The following TRPM6 variants were observed in gnomAD, a reference collection of about 807,000 sequenced individuals.
TRPM6 encodes the protein channel kinase 2.
TRPM6 carries 111 observed loss-of-function variants against 247.6 expected under a neutral mutation model. That is an observed-to-expected ratio of 0.45 (90% CI 0.38 to 0.52). TRPM6 has a LOEUF of 0.52. Ranked by LOEUF, TRPM6 falls within the 20% of genes least tolerant of loss-of-function variation. The probability of loss-of-function intolerance (pLI) is 0.00; values close to 1 mark genes in which losing one functional copy is unlikely to be tolerated. For synonymous variants in TRPM6, 892 were observed against 853.8 expected, an observed-to-expected ratio of 1.04 and a Z score of -0.78; for missense variants, 2,126 against 2,421.5, an observed-to-expected ratio of 0.88 and a Z score of 2.56.
chr9:74,764,057 G>A (rs958839581), intron 25 of TRPM6, among the ~76,000 whole-genome samples: 1 of 151,224 alleles, frequency 6.6e-6, no homozygotes, highest in African/African-American at 2.4e-5. Context: ...GACTGACGCG[G>A]AGGTTGCAGT....
intron 31 of TRPM6, among the ~76,000 whole-genome samples, chr9:74,746,797 A>G (rs1169386407): frequency 1.4e-5 from 2 of 139,548 alleles, no homozygotes; most frequent in Non-Finnish European, 3.1e-5. Context: ...CAGGAGCAGT[A>G]GGGTAGACCA....
At chr9:74,842,420 A>T in intron 3 of TRPM6, 77 bp from the exon 4 acceptor site, 1 of 1,399,624 alleles carries the variant, frequency 7.1e-7, no homozygotes, top group Non-Finnish European at 1.0e-6. Flanking sequence ...TTCTAAAGTA[A>T]TGTATAGATG....
chr9:74,838,621 C>T (rs1021430368), intron 5 of TRPM6, among the ~76,000 whole-genome samples: 8 of 152,218 alleles, frequency 5.3e-5, no homozygotes, highest in Admixed American at 6.5e-5. Flanking sequence ...TACCAACATT[C>T]TGCAAGTGCT....
chr9:74,858,012 C>G (rs1290439560), intron 2 of TRPM6, among the ~76,000 whole-genome samples: 1 of 152,140 alleles, frequency 6.6e-6, no homozygotes, highest in African/African-American at 2.4e-5. Context: ...TCAAGAGGAA[C>G]AGAAGAATCA....
rs1305503623 is a variant in TRPM6, at chr9:74,776,072, C to T, written c.3214G>A (p.Val1072Ile). The T allele has an allele frequency of 6.2e-6, 10 of 1,612,886 alleles. No individual in the cohort carries two copies. Among genetic ancestry groups the T allele is most frequent in the Non-Finnish European group, 7.6e-6 (9 of 1,179,204 alleles). ...GAAATGGATTCCATATCTAAGTAAA[C>T]GTTGCTGTAAGATGAAGTAAGAGAG... is the stretch of plus-strand genomic sequence containing the variant. The part of the protein sequence containing the change: ...VNLLIAFFNN[V>I]YLDMESISNN... Residue 1072 changes from valine to isoleucine, a missense_variant, in exon 24 of 39, where the codon GTT becomes ATT. This residue lies in a region of TRPM6 where 1,082 missense variants were observed against 1,307.9 expected (regional missense o/e 0.83). Coordinates refer to ENST00000360774, the MANE Select transcript of TRPM6 (RefSeq NM_017662.5).
Position 74,820,099 on chromosome 9 carries a change from T to C in TRPM6, c.1134+205A>G, listed in dbSNP as rs571083494. ...GTGCCATGGTGGTTTGCTGCACCTA[T>C]CAACCCATCACTTAGGTATTAAGAT... On this transcript the variant is annotated intron_variant, in intron 9 of 38. Transcript: ENST00000360774. 2.5e-4 allele frequency: 147 copies of C among 595,206 alleles called. No homozygotes were observed. In the African/African-American group the frequency reaches 2.5e-3, roughly 10 times the overall value. The allele number at this position is 595,206 out of a possible 1,614,324, so 36.9% of individuals were successfully genotyped here.
At chr9:74,735,206 C>T (rs1825653773) in intron 36 of TRPM6, among the ~76,000 whole-genome samples, 1 of 150,136 alleles carries the variant, frequency 6.7e-6, no homozygotes, top group Non-Finnish European at 1.5e-5. Flanking sequence ...CTTGGCTACA[C>T]AGTGAGACCT....
At chr9:74,852,831 CG>C in intron 3 of TRPM6, among the ~76,000 whole-genome samples, 1 of 152,120 alleles carries the variant, frequency 6.6e-6, no homozygotes. Context: ...GGTGTGATCT[CG>C]GCTCGCTACA....
At position 74,808,274 on chromosome 9, in the gene TRPM6, G is replaced by A. The variant is rs906192389; in HGVS notation, c.1498-100C>T. On this transcript the variant is annotated intron_variant, in intron 13 of 38. Coordinates refer to ENST00000360774, the MANE Select transcript of TRPM6 (RefSeq NM_017662.5). ...TAATCAAATTAATTGCAAGAAGGTA[G>A]ACATACCTTTTAAATATCTTTACAA... is the stretch of plus-strand genomic sequence containing the variant. 302 of 1,417,152 alleles carry A rather than the reference G, an allele frequency of 2.1e-4. 2 individuals are homozygous for A. In the Middle Eastern group the frequency reaches 2.3e-3, roughly 11 times the overall value. 87.8% of individuals were successfully genotyped at this position (1,417,152 alleles called of 1,614,324 possible).
intron 31 of TRPM6, 152 bp from the exon 32 acceptor site, chr9:74,744,297 G>A: frequency 1.3e-6 from 1 of 765,900 alleles, no homozygotes; most frequent in South Asian, 1.5e-5. Flanking sequence ...TTTAACCACA[G>A]TATTGCGCAT....
intron 32 of TRPM6, among the ~76,000 whole-genome samples, chr9:74,743,253 C>T (rs1825921002): frequency 6.6e-6 from 1 of 152,196 alleles, no homozygotes; most frequent in Non-Finnish European, 1.5e-5. Flanking sequence ...GAATCCACTG[C>T]AACTCTATTC....
Position 74,739,794 on chromosome 9 carries a change from A to T in TRPM6, c.5416T>A (p.Phe1806Ile), listed in dbSNP as rs1020019146. ...KPGQVFIVKS[F>I]LPEVVRTWHK... ...CATGTCCGCACAACCTCAGGAAGAAAGGACTTGACAATGAAAACTTGTCCC... is the reference window on the plus strand; with the variant it reads ...CATGTCCGCACAACCTCAGGAAGAATGGACTTGACAATGAAAACTTGTCCC... The change falls in exon 34 of 39, where the codon TTT (phenylalanine) becomes ATT (isoleucine). Residue 1806 changes from phenylalanine to isoleucine, a missense_variant. Physicochemically the swap from Phe to Ile is conservative, Grantham distance 21 (BLOSUM62 0). Around this residue, in one of 3 missense-constraint regions of TRPM6, gnomAD observed 327 missense variants for 397.7 expected, o/e 0.82. Transcript: ENST00000360774. 25 of 1,614,050 alleles carry T rather than the reference A, an allele frequency of 1.5e-5. No individual in the cohort carries two copies. Among genetic ancestry groups the T allele is most frequent in the Non-Finnish European group, 1.9e-5 (22 of 1,180,028 alleles).
intron 38 of TRPM6, among the ~76,000 whole-genome samples, chr9:74,726,977 G>A (rs1183386050): frequency 6.6e-6 from 1 of 152,136 alleles, no homozygotes; most frequent in African/African-American, 2.4e-5. Flanking sequence ...AGTTGTGAGA[G>A]TTATGGCCCT....
intron 25 of TRPM6, among the ~76,000 whole-genome samples, chr9:74,771,401 C>G (rs1349004408): frequency 6.6e-6 from 1 of 152,084 alleles, no homozygotes; most frequent in Admixed American, 6.5e-5. Flanking sequence ...CTTCATTTCT[C>G]TCACCACCTA....
At chr9:74,853,184 C>T (rs139611291) in intron 3 of TRPM6, among the ~76,000 whole-genome samples, 9 of 151,412 alleles carry the variant, frequency 5.9e-5, no homozygotes, top group Middle Eastern at 6.8e-3. Flanking sequence ...CCGGCCGCCC[C>T]GTCTGAGAAG....
intron 15 of TRPM6, among the ~76,000 whole-genome samples, chr9:74,803,305 C>T (rs1487194513): frequency 6.6e-6 from 1 of 151,662 alleles, no homozygotes; most frequent in Admixed American, 6.6e-5. Context: ...TACACACACA[C>T]ACACACACAC....
At chr9:74,824,553 T>A (rs1829264111) in intron 7 of TRPM6, among the ~76,000 whole-genome samples, 1 of 118,440 alleles carries the variant, frequency 8.4e-6, no homozygotes, top group African/African-American at 2.8e-5. Context: ...AAAATCTTAC[T>A]GATACACTAA....
At chr9:74,744,236 C>T in intron 31 of TRPM6, 91 bp from the exon 32 acceptor site, 2 of 1,366,538 alleles carry the variant, frequency 1.5e-6, no homozygotes, top group Non-Finnish European at 1.0e-6. Context: ...TATTATTGAA[C>T]AGGTTAATCA....
intron 7 of TRPM6, among the ~76,000 whole-genome samples, chr9:74,823,548 C>T (rs927601615): frequency 1.3e-5 from 2 of 152,174 alleles, no homozygotes; most frequent in Admixed American, 6.5e-5. Flanking sequence ...TGACATTCTA[C>T]TCCTTTTCCA....
Sources: allele counts gnomAD v4.1 joint callset (sites outside exome capture counted in the v4.1 genomes callset), GRCh38; gene constraint gnomAD v4.1.1; regional missense constraint gnomAD v4.1.1; transcripts MANE v1.5; gene names NCBI Gene and HGNC (gene_info 2026-07-23, HGNC 2026-07-21).